PPIL4: variants seen among roughly 807,000 people sequenced by gnomAD.
PPIL4 encodes peptidylprolyl isomerase like 4.
Under a neutral mutation model 69.1 loss-of-function variants are expected in PPIL4, and 50 were observed. That is an observed-to-expected ratio of 0.72 (90% CI 0.58 to 0.92). The LOEUF (loss-of-function observed/expected upper bound fraction) is 0.92. PPIL4 is among the 40% of genes least tolerant of loss of function. The probability of loss-of-function intolerance (pLI) is 0.00; values close to 1 mark genes in which losing one functional copy is unlikely to be tolerated. For synonymous variants in PPIL4, 193 were observed against 191.6 expected, an observed-to-expected ratio of 1.01 and a Z score of -0.06; for missense variants, 480 against 587.9, an observed-to-expected ratio of 0.82 and a Z score of 1.90.
intron 7 of PPIL4, among the ~76,000 whole-genome samples, chr6:149,527,733 T>C (rs933248940): frequency 1.3e-4 from 20 of 152,202 alleles, no homozygotes; most frequent in African/African-American, 4.3e-4. Flanking sequence ...TTACCATATA[T>C]GTATGCAACT....
chr6:149,536,542 G>T (rs903676126), intron 4 of PPIL4, among the ~76,000 whole-genome samples: 4 of 152,022 alleles, frequency 2.6e-5, no homozygotes, highest in Non-Finnish European at 5.9e-5. Flanking sequence ...TATGAAGAAG[G>T]TTTTAGTAAT....
chr6:149,512,255 G>A lies in PPIL4; in HGVS notation c.1127C>T (p.Ser376Leu), dbSNP rs141874064. Residue 376 changes from serine (S) to leucine (L), a missense_variant, in exon 12 of 13, where the codon TCA becomes TTA. Physicochemically the swap from Ser to Leu is moderately radical, Grantham distance 145. Transcript: ENST00000253329. ...ILDEQAEDSK[S>L]SHSHTSKKHK... is the part of the protein sequence containing the mutation. Reference sequence around the variant, plus strand: ...TTTTTTACTTGTGTGTGAGTGACTTGATTTTGAGTCTTCGGCCTGCTCATC... The same window carrying A: ...TTTTTTACTTGTGTGTGAGTGACTTAATTTTGAGTCTTCGGCCTGCTCATC... 2,349 of 1,612,974 alleles carry A rather than the reference G, an allele frequency of 1.5e-3. 28 individuals carry two copies. The African/African-American group carries it at 0.027, about 19-fold the overall frequency.
At chr6:149,527,546 T>C (rs1435410545) in intron 7 of PPIL4, among the ~76,000 whole-genome samples, 2 of 152,208 alleles carry the variant, frequency 1.3e-5, no homozygotes, top group Non-Finnish European at 2.9e-5. Flanking sequence ...TAAGAATTTA[T>C]GTAAAGTACA....
Position 149,514,841 on chromosome 6 carries a change from T to A in PPIL4, c.1079+2513A>T, listed in dbSNP as rs190893157. Among the ~76,000 whole-genome samples, 450 of 151,954 alleles carry A rather than the reference T, an allele frequency of 3.0e-3. 2 individuals are homozygous for A. Among genetic ancestry groups the A allele is most frequent in the African/African-American group, 9.2e-3 (381 of 41,420 alleles). ...GTTAAGACAAAAACTGTATTTTTTT[T>A]AATTTTTTTTTTGAGACGGAGTTTC... On this transcript the variant is annotated intron_variant, in intron 11 of 12. Coordinates refer to ENST00000253329, the MANE Select transcript of PPIL4 (RefSeq NM_139126.4).
chr6:149,521,535 A>G (rs565387491), intron 9 of PPIL4, among the ~76,000 whole-genome samples: 4 of 152,224 alleles, frequency 2.6e-5, no homozygotes, highest in Non-Finnish European at 4.4e-5. Context: ...ACATCCTGGA[A>G]AGTGAAAGTT....
At chr6:149,519,394 C>T (rs939616559) in intron 10 of PPIL4, among the ~76,000 whole-genome samples, 1 of 152,138 alleles carries the variant, frequency 6.6e-6, no homozygotes, top group African/African-American at 2.4e-5. Flanking sequence ...CTGGCCAGAA[C>T]TACACTGCAT....
At chr6:149,506,954 T>C (rs1317760529) in intron 12 of PPIL4, among the ~76,000 whole-genome samples, 1 of 152,230 alleles carries the variant, frequency 6.6e-6, no homozygotes, top group Admixed American at 6.5e-5. Context: ...TAAACACTGG[T>C]AGAATCCTTT....
intron 10 of PPIL4, 104 bp from the exon 11 acceptor site, chr6:149,517,554 T>C (rs1440558089): frequency 9.0e-6 from 5 of 558,054 alleles, no homozygotes; most frequent in Non-Finnish European, 1.6e-5. Context: ...AAATGGCATA[T>C]ATCGAGAGAC....
At position 149,533,530 on chromosome 6, in the gene PPIL4, T is replaced by G. The variant is rs770449691; in HGVS notation, c.606A>C (p.Gly202=). ...TTTCTTCTACTTCCTCAGCTGATCTTCCTTTGAAATCATCAATTTCTTCAT... is the reference window on the plus strand; with the variant it reads ...TTTCTTCTACTTCCTCAGCTGATCTGCCTTTGAAATCATCAATTTCTTCAT... ...GADEEIDDFK[G]RSAEEVEEIK... is the part of the protein sequence containing the mutation. The change falls in exon 7 of 13, where the codon GGA becomes GGC. Residue 202 remains glycine (G), a synonymous_variant. Transcript: ENST00000253329. 5.0e-6 allele frequency: 8 copies of G among 1,612,516 alleles called. No homozygotes were observed. Among genetic ancestry groups the G allele is most frequent in the Non-Finnish European group, 6.8e-6 (8 of 1,179,008 alleles).
At chr6:149,512,383 T>A (rs1776866552) in intron 11 of PPIL4, 81 bp from the exon 12 acceptor site, 2 of 1,072,516 alleles carry the variant, frequency 1.9e-6, no homozygotes, top group Non-Finnish European at 2.7e-6. Flanking sequence ...ACAAAGGAGG[T>A]CATAAGGCTA....
chr6:149,534,843 G>A, intron 5 of PPIL4, 69 bp from the exon 6 acceptor site: 2 of 952,944 alleles, frequency 2.1e-6, no homozygotes, highest in South Asian at 1.8e-5. Flanking sequence ...TATTTTAATA[G>A]ATTACAAAAA....
chr6:149,536,014 G>T (rs9390688), intron 4 of PPIL4, among the ~76,000 whole-genome samples: 42,303 of 152,098 alleles, frequency 0.28, 7,605 homozygotes, highest in East Asian at 0.77. Context: ...CAACAGCATA[G>T]GCTCACTTCA....
Position 149,505,194 on chromosome 6 carries a change from AAG to A in PPIL4, c.*257_*258del, listed in dbSNP as rs1451070562. 2.1e-5 allele frequency: 7 copies of A among 338,262 alleles called. No homozygotes were observed. The highest frequency in any genetic ancestry group is 6.5e-5 in the African/African-American group (3 of 46,466). 21.0% of individuals were successfully genotyped at this position (338,262 alleles called of 1,614,324 possible). ...GTAGTATGAAATACTTCATTAAAAAAAGAGTGAAAATGTAAGACTTCAAAAAT... is the reference window on the plus strand; with the variant it reads ...GTAGTATGAAATACTTCATTAAAAAAAGTGAAAATGTAAGACTTCAAAAAT... On this transcript the variant is annotated 3_prime_UTR_variant, in exon 13 of 13. Transcript: ENST00000253329.
Position 149,505,630 on chromosome 6 carries a change from CTTTTCACT to C in PPIL4, c.1294_1301del (p.Ser432GlufsTer10). 6.2e-7 allele frequency: 1 copy of C among 1,614,156 alleles called. No homozygotes were observed. Among genetic ancestry groups the C allele is most frequent in the Admixed American group, 1.7e-5 (1 of 60,024 alleles). On this transcript the variant is annotated frameshift_variant, in exon 13 of 13. Coordinates refer to ENST00000253329, the MANE Select transcript of PPIL4 (RefSeq NM_139126.4). LOFTEE classifies it high-confidence loss of function. ...GACTTCGGTTCTGAGTTCGGTCTCTCTTTTCACTCTTTTGTTTCTCCCAACAGCTTTCT... is the reference window on the plus strand; with the variant it reads ...GACTTCGGTTCTGAGTTCGGTCTCTCCTTTTGTTTCTCCCAACAGCTTTCT...
At position 149,512,151 on chromosome 6, in the gene PPIL4, G is replaced by T; in HGVS notation, c.1227+4C>A. On this transcript the variant is annotated splice_donor_region_variant and intron_variant, in intron 12 of 12. Coordinates refer to ENST00000253329, the MANE Select transcript of PPIL4 (RefSeq NM_139126.4). ...CCACATCTAAGTCTGGACATTAGAG[G>T]TACCTGATTAGTATTTTTGATTGGC... 1 of 1,598,412 alleles carries T rather than the reference G, an allele frequency of 6.3e-7. No homozygotes were observed. The highest frequency in any genetic ancestry group is 8.5e-7 in the Non-Finnish European group (1 of 1,171,764).
chr6:149,526,086 G>C (rs184792324), intron 8 of PPIL4, among the ~76,000 whole-genome samples: 1 of 152,018 alleles, frequency 6.6e-6, no homozygotes, highest in Non-Finnish European at 1.5e-5. Context: ...GCAACAGAGC[G>C]AGACTCCATG....
chr6:149,518,254 C>G (rs1420286947), intron 10 of PPIL4, among the ~76,000 whole-genome samples: 2 of 152,290 alleles, frequency 1.3e-5, no homozygotes, highest in South Asian at 2.1e-4. Context: ...GAAGAGCATT[C>G]AATGCAGCCT....
intron 7 of PPIL4, among the ~76,000 whole-genome samples, chr6:149,533,159 A>G (rs1381446878): frequency 1.3e-5 from 2 of 152,204 alleles, no homozygotes; most frequent in African/African-American, 4.8e-5. Flanking sequence ...TATACATAAA[A>G]TTCAGCCTGC....
intron 1 of PPIL4, among the ~76,000 whole-genome samples, chr6:149,545,387 G>T (rs1413669199): frequency 6.6e-6 from 1 of 152,082 alleles, no homozygotes; most frequent in African/African-American, 2.4e-5. Context: ...ACTTCCCCCA[G>T]TGGAAAAATC....
Sources: gnomAD v4.1 joint callset for allele counts (sites outside exome capture counted in the v4.1 genomes callset) on GRCh38, gnomAD v4.1.1 for gene constraint, MANE v1.5 for transcripts, NCBI Gene and HGNC (gene_info 2026-07-23, HGNC 2026-07-21) for gene names.